PHLPP2: variants seen among roughly 807,000 people sequenced by gnomAD.
The protein encoded by PHLPP2 is PH domain leucine-rich repeat-containing protein phosphatase 2.
In PHLPP2, 66 loss-of-function variants were observed where a neutral mutation model predicts 124.9. The ratio of observed to expected loss-of-function variants is 0.53; its 90% CI spans 0.43 to 0.65. The LOEUF is 0.65. PHLPP2 is among the 30% of genes least tolerant of loss of function. The pLI, the probability that PHLPP2 is intolerant of heterozygous loss-of-function variation, is 0.00. For synonymous variants in PHLPP2, 681 were observed against 624.7 expected (o/e 1.09, Z -1.34); for missense variants, 1,685 against 1,600.4 (o/e 1.05, Z -0.90).
At chr16:71,706,861 T>G (rs1235216520) in intron 2 of PHLPP2, among the ~76,000 whole-genome samples, 1 of 151,934 alleles carries the variant, frequency 6.6e-6, no homozygotes, top group African/African-American at 2.4e-5. Context: ...GTTAACTTAT[T>G]CACACCAAGA....
Position 71,676,540 on chromosome 16 carries a change from A to G in PHLPP2, c.1378T>C (p.Cys460Arg), listed in dbSNP as rs368116745. The change falls in exon 9 of 19, where the codon TGC becomes CGC. Residue 460 changes from cysteine (C) to arginine (R), a missense_variant. By Grantham distance (180) the Cys-to-Arg change is radical. Coordinates refer to ENST00000568954, the MANE Select transcript of PHLPP2 (RefSeq NM_015020.3). ...CCACAGTGCAGCTGTTCCAAGCTGC[A>G]TAAGGAGCTAAGATCCAAGTCAGTC... ...RLTDLDLSSL[C>R]SLEQLHCGRN... The G allele has an allele frequency of 1.8e-5, 29 of 1,614,018 alleles. No individual in the cohort carries two copies. The highest frequency in any genetic ancestry group is 2.5e-5 in the Non-Finnish European group (29 of 1,179,936).
chr16:71,666,638 T>A lies in PHLPP2; in HGVS notation c.1784+540A>T, dbSNP rs564593040. ...TACAGGCCTAAAATAGGAAGACATG[T>A]CATCTATTTGTTAATTTATAGTGAG... is the stretch of plus-strand genomic sequence containing the variant. On this transcript the variant is annotated intron_variant, in intron 12 of 18. Coordinates refer to ENST00000568954, the MANE Select transcript of PHLPP2 (RefSeq NM_015020.3). Among the ~76,000 whole-genome samples, 5 of 152,342 alleles carry A rather than the reference T, an allele frequency of 3.3e-5. 1 individual carries two copies. In the South Asian group the frequency reaches 8.3e-4, roughly 25 times the overall value.
chr16:71,654,906 C>A (rs192505617), intron 17 of PHLPP2: 11 of 219,136 alleles, frequency 5.0e-5, no homozygotes, highest in Non-Finnish European at 9.1e-5. Flanking sequence ...AGGTCACTGA[C>A]TGCTTGGACA....
rs765826548 is a variant in PHLPP2, at chr16:71,654,204, GA to G, written c.2585+1035del. On this transcript the variant is annotated intron_variant, in intron 17 of 18. Coordinates refer to ENST00000568954, the MANE Select transcript of PHLPP2 (RefSeq NM_015020.3). ...AGCAAGAAGACTCCGTCTCAAAAAA[GA>G]AAAAAAAAAAAAAAAAAAAAAAACT... 5.4e-3 allele frequency among the ~76,000 whole-genome samples: 390 copies of G among 72,348 alleles called. 1 individual carries two copies. The highest frequency in any genetic ancestry group is 0.012 in the African/African-American group (205 of 16,432). The allele number at this position is 72,348 out of a possible 152,430, so 47.5% of individuals were successfully genotyped here.
intron 1 of PHLPP2, chr16:71,723,843 C>T (rs1247390176): frequency 3.3e-6 from 4 of 1,227,442 alleles, no homozygotes; most frequent in Admixed American, 4.5e-5. Flanking sequence ...AGCGGGCCCG[C>T]GGGCCCCGGC....
chr16:71,662,873 A>G (rs1489293741), intron 13 of PHLPP2, among the ~76,000 whole-genome samples: 1 of 51,940 alleles, frequency 1.9e-5, no homozygotes, highest in East Asian at 2.1e-3. Flanking sequence ...AAAAAGTTCT[A>G]AAGTTGTTTT....
intron 17 of PHLPP2, chr16:71,654,973 C>A (rs1386840309): frequency 2.4e-5 from 10 of 408,710 alleles, no homozygotes; most frequent in Admixed American, 1.4e-4. Flanking sequence ...TATATATACA[C>A]ACACAACATT....
intron 1 of PHLPP2, among the ~76,000 whole-genome samples, chr16:71,715,986 T>C (rs1490050595): frequency 6.7e-6 from 1 of 149,044 alleles, no homozygotes; most frequent in African/African-American, 2.5e-5. Context: ...ACAGAGACTC[T>C]GTCTCAAAAA....
At chr16:71,669,923 A>G (rs946972531) in intron 10 of PHLPP2, among the ~76,000 whole-genome samples, 1 of 152,338 alleles carries the variant, frequency 6.6e-6, no homozygotes, top group African/African-American at 2.4e-5. Flanking sequence ...CAGCTTCTCT[A>G]GGCCTCAAGG....
chr16:71,691,126 T>G (rs966723146), intron 3 of PHLPP2, among the ~76,000 whole-genome samples: 11 of 152,132 alleles, frequency 7.2e-5, no homozygotes, highest in African/African-American at 2.4e-4. Context: ...GTTTGAATCT[T>G]AACACAACCT....
intron 3 of PHLPP2, among the ~76,000 whole-genome samples, chr16:71,697,900 T>TG (rs1159591278): frequency 7.0e-6 from 1 of 142,762 alleles, no homozygotes; most frequent in African/African-American, 2.6e-5. Flanking sequence ...CAGGCTGGAG[T>TG]GCAGTGGCAC....
intron 6 of PHLPP2, among the ~76,000 whole-genome samples, chr16:71,681,215 G>A (rs1360562000): frequency 6.6e-6 from 1 of 152,108 alleles, no homozygotes; most frequent in Non-Finnish European, 1.5e-5. Context: ...TGGGATGAGT[G>A]GAGTGTGGGA....
intron 3 of PHLPP2, among the ~76,000 whole-genome samples, chr16:71,698,247 A>T (rs1567625602): frequency 6.6e-6 from 1 of 152,154 alleles, no homozygotes; most frequent in Non-Finnish European, 1.5e-5. Flanking sequence ...ACTACTGGGG[A>T]TGTAACTGAC....
chr16:71,678,971 C>G lies in PHLPP2; in HGVS notation c.1052G>C (p.Cys351Ser), dbSNP rs760394629. 1 of 1,601,842 alleles carries G rather than the reference C, an allele frequency of 6.2e-7. No individual in the cohort carries two copies. The highest frequency in any genetic ancestry group is 8.5e-7 in the Non-Finnish European group (1 of 1,169,830). Residue 351 changes from cysteine (C) to serine (S), a missense_variant, in exon 8 of 19, where the codon TGT becomes TCT. Coordinates refer to ENST00000568954, the MANE Select transcript of PHLPP2 (RefSeq NM_015020.3). ...AGTAGTCAGAAAGTTGCCATCAAGA[C>G]AGAGGGTTTGAAGACTATAGGAAGA... ...IGNLLNLQTL[C>S]LDGNFLTTLP...
At chr16:71,666,602 G>A (rs2145321561) in intron 12 of PHLPP2, among the ~76,000 whole-genome samples, 1 of 152,306 alleles carries the variant, frequency 6.6e-6, no homozygotes, top group African/African-American at 2.4e-5. Context: ...TACACATTAG[G>A]TAAACCTGAT....
intron 6 of PHLPP2, 21 bp from the exon 7 acceptor site, chr16:71,679,556 T>C: frequency 6.2e-7 from 1 of 1,609,532 alleles, no homozygotes; most frequent in Non-Finnish European, 8.5e-7. Context: ...AAGGCAAAAA[T>C]GGGTATTGCA....
At chr16:71,704,289 G>A (rs1160036797) in intron 2 of PHLPP2, among the ~76,000 whole-genome samples, 3 of 130,510 alleles carry the variant, frequency 2.3e-5, no homozygotes, top group African/African-American at 8.9e-5. Flanking sequence ...CAGCCTGGGC[G>A]ACAGTGAGAC....
intron 3 of PHLPP2, among the ~76,000 whole-genome samples, chr16:71,697,582 T>C (rs6499531): frequency 0.89 from 135,698 of 152,238 alleles, 60,843 homozygotes; most frequent in East Asian, 0.99. Flanking sequence ...TGAATGGAAA[T>C]ATACGATGTA....
intron 10 of PHLPP2, among the ~76,000 whole-genome samples, chr16:71,670,375 C>G (rs1019937632): frequency 6.6e-6 from 1 of 152,004 alleles, no homozygotes; most frequent in African/African-American, 2.4e-5. Flanking sequence ...GCAAAAGAAA[C>G]ATGGCCAAAG....
Sources: gnomAD v4.1 joint callset for allele counts (sites outside exome capture counted in the v4.1 genomes callset) on GRCh38, gnomAD v4.1.1 for gene constraint, MANE v1.5 for transcripts, NCBI Gene and HGNC (gene_info 2026-07-23, HGNC 2026-07-21) for gene names.